CENPK: variants seen among roughly 807,000 people sequenced by gnomAD.
The protein encoded by CENPK is centromere protein K.
CENPK carries 46 observed loss-of-function variants against 40.9 expected under a neutral mutation model. The observed-to-expected ratio is 1.13, with a 90% confidence interval of 0.89 to 1.44. The LOEUF is 1.44. Ranked by LOEUF, CENPK falls within the 40% of genes most tolerant of loss-of-function variation. CENPK has a pLI of 0.00. For synonymous variants in CENPK, 107 were observed against 104.4 expected (o/e 1.02, Z -0.15); for missense variants, 288 against 303.5 (o/e 0.95, Z 0.38).
the CENPK span, among the ~76,000 whole-genome samples, chr5:65,499,436 T>A: frequency 6.6e-6 from 1 of 151,720 alleles, no homozygotes; most frequent in Non-Finnish European, 1.5e-5. Flanking sequence ...TCTCTCTCAA[T>A]GCTTTTAAGA....
intron 6 of CENPK, among the ~76,000 whole-genome samples, chr5:65,538,206 G>A (rs1747311803): frequency 6.6e-6 from 1 of 151,928 alleles, no homozygotes; most frequent in African/African-American, 2.4e-5. Context: ...TTAAATTCTC[G>A]TTGGTTCCCT....
At chr5:65,541,643 T>C (rs1327335227) in intron 6 of CENPK, among the ~76,000 whole-genome samples, 1 of 152,220 alleles carries the variant, frequency 6.6e-6, no homozygotes, top group Non-Finnish European at 1.5e-5. Context: ...TCAGGACTAT[T>C]CTGGTATTAT....
intron 10 of CENPK, among the ~76,000 whole-genome samples, chr5:65,520,623 G>T (rs1326699676): frequency 6.6e-6 from 1 of 152,032 alleles, no homozygotes; most frequent in South Asian, 2.1e-4. Flanking sequence ...ATAAATATTT[G>T]TATTTTGCTT....
intron 5 of CENPK, among the ~76,000 whole-genome samples, chr5:65,548,174 C>T (rs762671029): frequency 2.6e-5 from 4 of 152,202 alleles, no homozygotes; most frequent in African/African-American, 7.2e-5. Flanking sequence ...TAGACCACCA[C>T]ACTAAAGCAA....
intron 9 of CENPK, among the ~76,000 whole-genome samples, chr5:65,528,024 G>A (rs562902467): frequency 1.9e-3 from 285 of 152,252 alleles, no homozygotes; most frequent in Non-Finnish European, 3.4e-3. Flanking sequence ...CAGATTGCCT[G>A]AGCTCAGGAG....
At chr5:65,499,656 T>A in the CENPK span, among the ~76,000 whole-genome samples, 1 of 108,360 alleles carries the variant, frequency 9.2e-6, no homozygotes, top group Admixed American at 8.7e-5. Context: ...TAGATCTTTT[T>A]TTTTTTTTTA....
intron 2 of CENPK, 85 bp downstream of exon 2, chr5:65,561,374 GATAA>G (rs1207336221): frequency 1.2e-5 from 4 of 336,250 alleles, no homozygotes; most frequent in African/African-American, 8.5e-5. Flanking sequence ...GAGGGTGAGG[GATAA>G]ATATTCAACA....
At chr5:65,505,145 C>T in the CENPK span, among the ~76,000 whole-genome samples, 1 of 151,954 alleles carries the variant, frequency 6.6e-6, no homozygotes, top group Non-Finnish European at 1.5e-5. Context: ...CTTTGCTGCC[C>T]AGGCTACAAC....
the CENPK span, among the ~76,000 whole-genome samples, chr5:65,497,292 C>T: frequency 2.0e-5 from 3 of 151,730 alleles, no homozygotes; most frequent in Non-Finnish European, 4.4e-5. Context: ...CGCTTGAACC[C>T]GGGAGATGGA....
intron 2 of CENPK, among the ~76,000 whole-genome samples, chr5:65,560,536 A>T (rs1031657771): frequency 6.6e-6 from 1 of 152,238 alleles, no homozygotes; most frequent in African/African-American, 2.4e-5. Context: ...TACAATAAAA[A>T]GGTAAACAAC....
the CENPK span, among the ~76,000 whole-genome samples, chr5:65,502,187 A>T: frequency 1.1e-4 from 16 of 152,216 alleles, no homozygotes; most frequent in Admixed American, 9.8e-4. Context: ...ATAGTTGAAA[A>T]GTTTTCTGTC....
At chr5:65,543,856 GACATTTCCATGAGCTATGAAGAAAAA>G (rs1226149048) in intron 5 of CENPK, among the ~76,000 whole-genome samples, 2 of 152,158 alleles carry the variant, frequency 1.3e-5, no homozygotes, top group African/African-American at 4.8e-5. Flanking sequence ...CCTTTCTAAA[GACATTTCCATGAGCTATGAAGAAAAA>G]ACAGCAAGAA....
Position 65,518,387 on chromosome 5 carries a change from AAAT to A in CENPK, c.*85_*87del. 2 of 1,364,512 alleles carry A rather than the reference AAAT, an allele frequency of 1.5e-6. No homozygotes were observed. Among genetic ancestry groups the A allele is most frequent in the Non-Finnish European group, 2.0e-6 (2 of 986,030 alleles). The allele number at this position is 1,364,512 out of a possible 1,614,324, so 84.5% of individuals were successfully genotyped here. A position where few individuals can be genotyped will look rare whatever the true frequency, so the allele number is the denominator to read the frequency against. ...AGATGGCCTATGCGCATTAATTTGCAAATAATGTTTTTTATCCAAATAGTCCTG... is the reference window on the plus strand; with the variant it reads ...AGATGGCCTATGCGCATTAATTTGCAAATGTTTTTTATCCAAATAGTCCTG... On this transcript the variant is annotated 3_prime_UTR_variant, in exon 11 of 11. Coordinates refer to ENST00000396679, the MANE Select transcript of CENPK (RefSeq NM_022145.5).
the CENPK span, among the ~76,000 whole-genome samples, chr5:65,512,006 G>A: frequency 6.6e-6 from 1 of 152,174 alleles, no homozygotes; most frequent in East Asian, 1.9e-4. Flanking sequence ...ACATTAACAG[G>A]AGTGTGCAAG....
chr5:65,551,501 T>C, intron 5 of CENPK, 63 bp downstream of exon 5: 1 of 904,840 alleles, frequency 1.1e-6, no homozygotes, highest in East Asian at 3.0e-5. Flanking sequence ...TTTCCTACAA[T>C]TATTAAATTA....
At chr5:65,529,049 T>C in intron 7 of CENPK, 32 bp from the exon 8 acceptor site, 6 of 1,557,926 alleles carry the variant, frequency 3.9e-6, no homozygotes, top group South Asian at 1.1e-5. Flanking sequence ...ACAAGCAATA[T>C]CTAAATAAAA....
intron 10 of CENPK, among the ~76,000 whole-genome samples, chr5:65,520,445 T>C (rs780027620): frequency 4.9e-4 from 74 of 152,188 alleles, no homozygotes; most frequent in Non-Finnish European, 9.4e-4. Context: ...GTACATACTA[T>C]GTTACACTAT....
chr5:65,515,205 T>A (rs78956638), downstream of CENPK, among the ~76,000 whole-genome samples: 2,344 of 50,966 alleles, frequency 0.046, 117 homozygotes, highest in African/African-American at 0.054. Flanking sequence ...CTCAAAAAAA[T>A]TTTTTTTTTT....
chr5:65,506,657 T>C, the CENPK span, among the ~76,000 whole-genome samples: 4 of 151,930 alleles, frequency 2.6e-5, no homozygotes, highest in East Asian at 5.8e-4. Context: ...TGTTGATGAG[T>C]GTCTGTAATC....
Sources: allele counts gnomAD v4.1 joint callset (sites outside exome capture counted in the v4.1 genomes callset), GRCh38; gene constraint gnomAD v4.1.1; transcripts MANE v1.5; gene names NCBI Gene and HGNC (gene_info 2026-07-23, HGNC 2026-07-21).